Variants in MED13L observed in about 807,000 individuals in gnomAD.
The protein encoded by MED13L is mediator of RNA polymerase II transcription subunit 13-like.
MED13L carries 7 observed loss-of-function variants against 220.9 expected under a neutral mutation model. That is an observed-to-expected ratio of 0.03 (90% CI 0.02 to 0.06). MED13L has a LOEUF of 0.06. Among genes scored for constraint, MED13L ranks in the 10% least tolerant of loss-of-function variants. MED13L has a pLI of 1.00. For missense variants in MED13L, 1,965 were observed against 2,760.5 expected (o/e 0.71, Z 6.46); for synonymous variants, 1,011 against 1,015.2 (o/e 1.00, Z 0.08).
intron 4 of MED13L, chr12:116,082,499 G>T (rs1201762318): frequency 6.6e-6 from 1 of 152,084 alleles, no homozygotes; most frequent in Admixed American, 6.6e-5. Flanking sequence ...GGCTGCCTCC[G>T]TTATTACCCA....
chr12:116,036,500 G>A (rs977437174), intron 4 of MED13L, among the ~76,000 whole-genome samples: 1 of 152,166 alleles, frequency 6.6e-6, no homozygotes, highest in African/African-American at 2.4e-5. Flanking sequence ...TTGAGTTTTA[G>A]AATGCAACTA....
At chr12:115,975,847 C>A in intron 23 of MED13L, 109 bp from the exon 24 acceptor site, 3 of 991,078 alleles carry the variant, frequency 3.0e-6, no homozygotes, top group Non-Finnish European at 4.6e-6. Context: ...GGTAGTAAAT[C>A]GTTTCTCTCT....
chr12:116,237,753 AC>A, intron 1 of MED13L, 48 bp from the exon 2 acceptor site: 1 of 1,487,218 alleles, frequency 6.7e-7, no homozygotes, highest in Non-Finnish European at 9.4e-7. Flanking sequence ...TTACTTACAG[AC>A]CACTAAAAAC....
chr12:116,254,832 T>C (rs905338549), intron 1 of MED13L, among the ~76,000 whole-genome samples: 4 of 152,084 alleles, frequency 2.6e-5, no homozygotes, highest in East Asian at 1.9e-4. Flanking sequence ...CTTAGGAATA[T>C]ATCTGATAAA....
At chr12:116,059,670 A>C (rs1350747312) in intron 4 of MED13L, among the ~76,000 whole-genome samples, 1 of 152,086 alleles carries the variant, frequency 6.6e-6, no homozygotes, top group Non-Finnish European at 1.5e-5. Flanking sequence ...CGCCTGCCTC[A>C]GCCTCCTGAA....
chr12:116,008,281 G>A (rs1171441402), intron 10 of MED13L, 120 bp downstream of exon 10: 10 of 1,362,120 alleles, frequency 7.3e-6, no homozygotes, highest in Middle Eastern at 5.4e-4. Flanking sequence ...CATATCCGGA[G>A]TCAAGAAGGA....
At chr12:116,167,485 T>C (rs1404999435) in intron 2 of MED13L, among the ~76,000 whole-genome samples, 1 of 152,198 alleles carries the variant, frequency 6.6e-6, no homozygotes, top group Non-Finnish European at 1.5e-5. Flanking sequence ...GGTTTAACGT[T>C]TCCCCACAAT....
chr12:116,247,361 GAAC>G (rs1191506907), intron 1 of MED13L, among the ~76,000 whole-genome samples: 3 of 152,028 alleles, frequency 2.0e-5, no homozygotes, highest in African/African-American at 7.2e-5. Flanking sequence ...CTAAACTGAA[GAAC>G]AATATCCCAT....
At chr12:115,980,959 A>C (rs1408534279) in intron 22 of MED13L, 21 bp from the exon 23 acceptor site, 2 of 1,601,784 alleles carry the variant, frequency 1.2e-6, no homozygotes, top group Non-Finnish European at 1.7e-6. Context: ...AAATACAAAA[A>C]AAAAACAAAA....
Position 116,277,189 on chromosome 12 carries a change from G to GAGGCC in MED13L, c.-63_-59dup, listed in dbSNP as rs1873940469. The GAGGCC allele has an allele frequency of 2.3e-6, 3 of 1,296,806 alleles. 1 individual carries two copies. Among genetic ancestry groups the GAGGCC allele is most frequent in the Middle Eastern group, 2.9e-4 (1 of 3,408 alleles). The allele number at this position is 1,296,806 out of a possible 1,614,324, so 80.3% of individuals were successfully genotyped here. A position where few individuals can be genotyped will look rare whatever the true frequency, so the allele number is the denominator to read the frequency against. On this transcript the variant is annotated 5_prime_UTR_variant, in exon 1 of 31. Coordinates refer to ENST00000281928, the MANE Select transcript of MED13L (RefSeq NM_015335.5). ...CATGTCGGAGCGAGGCGTCCGAGGC[G>GAGGCC]AGGCCGGGCCGGGCGGCGGCGCCTC...
intron 2 of MED13L, among the ~76,000 whole-genome samples, chr12:116,220,405 AAGAGAACAT>A (rs1482819477): frequency 1.3e-5 from 2 of 152,184 alleles, no homozygotes; most frequent in Non-Finnish European, 2.9e-5. Context: ...TGGATTTTAA[AAGAGAACAT>A]AGGGCCGGAC....
chr12:116,193,616 G>GAAA (rs34786529), intron 2 of MED13L, among the ~76,000 whole-genome samples: 1 of 148,974 alleles, frequency 6.7e-6, no homozygotes, highest in African/African-American at 2.5e-5. Flanking sequence ...AAATCTCTCA[G>GAAA]AAAAAAAAAA....
At chr12:115,983,049 A>C in intron 21 of MED13L, 68 bp downstream of exon 21, 1 of 1,516,564 alleles carries the variant, frequency 6.6e-7, no homozygotes, top group Non-Finnish European at 9.1e-7. Context: ...AAGGGAGAAA[A>C]GGTGCAGAAG....
chr12:116,086,283 C>CT (rs756507659), intron 4 of MED13L, among the ~76,000 whole-genome samples: 7,375 of 109,426 alleles, frequency 0.067, 305 homozygotes, highest in African/African-American at 0.12. Context: ...CACGATAATT[C>CT]TTTTTTTTTT....
At chr12:116,276,603 T>A (rs1010805205) in intron 1 of MED13L, 3 of 1,201,768 alleles carry the variant, frequency 2.5e-6, no homozygotes, top group Non-Finnish European at 3.2e-6. Context: ...TTATGGAATT[T>A]AAAAAAATTC....
chr12:115,996,969 A>C, intron 15 of MED13L, 41 bp downstream of exon 15: 1 of 1,572,188 alleles, frequency 6.4e-7, no homozygotes, highest in Non-Finnish European at 8.8e-7. Flanking sequence ...ATCCACTTGG[A>C]AACTGCTCTG....
intron 1 of MED13L, among the ~76,000 whole-genome samples, chr12:116,254,490 T>C (rs1478505381): frequency 4.6e-5 from 7 of 152,084 alleles, no homozygotes; most frequent in Non-Finnish European, 8.8e-5. Context: ...GGCTCACACC[T>C]GTAATCCTAG....
Position 115,992,725 on chromosome 12 carries a change from G to A in MED13L, c.2997-768C>T, listed in dbSNP as rs536053092. Among the ~76,000 whole-genome samples, 27 of 152,298 alleles carry A rather than the reference G, an allele frequency of 1.8e-4. No homozygotes were observed. In the South Asian group the frequency reaches 5.6e-3, roughly 32 times the overall value. The stretch of plus-strand genomic sequence containing the variant: ...CCAGCTTCCAGCAGCTTTCTGTGGG[G>A]TGGTAAGCACTTCATTTTTCACTTT... On this transcript the variant is annotated intron_variant, in intron 16 of 30. Transcript: ENST00000281928.
At chr12:116,171,136 G>A (rs566487405) in intron 2 of MED13L, among the ~76,000 whole-genome samples, 8 of 152,264 alleles carry the variant, frequency 5.3e-5, no homozygotes, top group Non-Finnish European at 8.8e-5. Flanking sequence ...GGGATCTCCC[G>A]AAACGGTCGA....
Sources: allele counts gnomAD v4.1 joint callset (sites outside exome capture counted in the v4.1 genomes callset), GRCh38; gene constraint gnomAD v4.1.1; transcripts MANE v1.5; gene names NCBI Gene and HGNC (gene_info 2026-07-23, HGNC 2026-07-21).